Variants in FSTL4 observed in about 807,000 individuals in gnomAD.
FSTL4 encodes the protein follistatin-related protein 4.
A neutral mutation model predicts 78.2 loss-of-function variants in FSTL4; 28 were observed. The ratio of observed to expected loss-of-function variants is 0.36; its 90% CI spans 0.27 to 0.49. The LOEUF (loss-of-function observed/expected upper bound fraction) is 0.49. Ranked by LOEUF, FSTL4 falls within the 20% of genes least tolerant of loss-of-function variation. The probability of loss-of-function intolerance (pLI) is 0.98; values close to 1 mark genes in which losing one functional copy is unlikely to be tolerated. For missense variants in FSTL4, 922 were observed against 1,084.9 expected (o/e 0.85, Z 2.11); for synonymous variants, 422 against 440.5 (o/e 0.96, Z 0.53).
At chr5:133,341,525 G>T (rs1754582092) in intron 4 of FSTL4, among the ~76,000 whole-genome samples, 1 of 152,044 alleles carries the variant, frequency 6.6e-6, no homozygotes, top group South Asian at 2.1e-4. Flanking sequence ...AGAGGATGAG[G>T]GACAGGCCGG....
chr5:133,774,528 T>C, the FSTL4 span, among the ~76,000 whole-genome samples: 16 of 152,226 alleles, frequency 1.1e-4, no homozygotes, highest in Admixed American at 1.0e-3. Flanking sequence ...GTCATGTCAC[T>C]GATAAGCAAA....
the FSTL4 span, among the ~76,000 whole-genome samples, chr5:133,678,329 T>TA: frequency 6.6e-6 from 1 of 152,082 alleles, no homozygotes; most frequent in Non-Finnish European, 1.5e-5. Context: ...AAGCAAAAGG[T>TA]AATGACAGCT....
chr5:133,296,738 G>A (rs1044466717), intron 6 of FSTL4, among the ~76,000 whole-genome samples: 3 of 152,058 alleles, frequency 2.0e-5, no homozygotes, highest in African/African-American at 7.2e-5. Flanking sequence ...TACTACCCAC[G>A]TTGTAATCTA....
rs1554115247 is a variant in FSTL4 at position 133,448,740 on chromosome 5, G to GGT, written c.161-47755_161-47754insAC. 2.9e-3 allele frequency among the ~76,000 whole-genome samples: 71 copies of GGT among 24,660 alleles called. 7 individuals are homozygous for GGT. The highest frequency in any genetic ancestry group is 2.0e-4 in the Non-Finnish European group (2 of 10,174). The allele number at this position is 24,660 out of a possible 152,430, so 16.2% of individuals were successfully genotyped here. On this transcript the variant is annotated intron_variant, in intron 3 of 15. Transcript: ENST00000265342. ...TCAGAATCCCCAGGGGTGCGGGGGC[G>GGT]GGGGGGGGGGGCGCTCAGAATTTTC...
chr5:133,223,544 G>A (rs141897052), intron 11 of FSTL4, among the ~76,000 whole-genome samples: 5 of 152,200 alleles, frequency 3.3e-5, no homozygotes, highest in African/African-American at 7.2e-5. Context: ...ACTGGGACCC[G>A]GGCATGCACC....
chr5:133,594,636 C>T (rs1327960002), intron 2 of FSTL4, among the ~76,000 whole-genome samples: 1 of 152,214 alleles, frequency 6.6e-6, no homozygotes, highest in South Asian at 2.1e-4. Context: ...AGGCCTCTCC[C>T]GTTTGACACC....
the FSTL4 span, among the ~76,000 whole-genome samples, chr5:133,816,219 A>G: frequency 6.6e-6 from 1 of 152,194 alleles, no homozygotes; most frequent in African/African-American, 2.4e-5. Flanking sequence ...GTGAGGGCAC[A>G]TGGTAGAGTG....
chr5:133,637,337 A>G, the FSTL4 span, among the ~76,000 whole-genome samples: 2 of 152,092 alleles, frequency 1.3e-5, no homozygotes, highest in Admixed American at 1.3e-4. Flanking sequence ...TGCTATTAAT[A>G]CATCCAATGG....
At chr5:133,253,969 C>A (rs1752324950) in intron 6 of FSTL4, among the ~76,000 whole-genome samples, 1 of 152,178 alleles carries the variant, frequency 6.6e-6, no homozygotes, top group African/African-American at 2.4e-5. Flanking sequence ...TTGGCCCCTA[C>A]CTCCAAGATG....
chr5:133,335,317 C>T (rs1308592741), intron 4 of FSTL4, among the ~76,000 whole-genome samples: 2 of 152,164 alleles, frequency 1.3e-5, no homozygotes, highest in African/African-American at 2.4e-5. Context: ...GTCTGCCCTG[C>T]TCTCCCCTCC....
At chr5:133,402,013 G>A (rs1756239466) in intron 3 of FSTL4, among the ~76,000 whole-genome samples, 1 of 152,066 alleles carries the variant, frequency 6.6e-6, no homozygotes, top group Non-Finnish European at 1.5e-5. Context: ...ATGGGGGTGG[G>A]GGTAGCCGAG....
intron 3 of FSTL4, chr5:133,427,573 A>G (rs749002223): frequency 1.2e-5 from 6 of 507,620 alleles, no homozygotes; most frequent in Non-Finnish European, 2.1e-5. Flanking sequence ...AGTGCACGCA[A>G]TGGCGGGGGG....
At chr5:133,286,147 G>A (rs905105692) in intron 6 of FSTL4, among the ~76,000 whole-genome samples, 1 of 152,170 alleles carries the variant, frequency 6.6e-6, no homozygotes, top group Non-Finnish European at 1.5e-5. Flanking sequence ...TAGGAGCCTG[G>A]GTTCTAATCC....
At chr5:133,380,486 A>C (rs1755542173) in intron 4 of FSTL4, among the ~76,000 whole-genome samples, 1 of 152,090 alleles carries the variant, frequency 6.6e-6, no homozygotes, top group Non-Finnish European at 1.5e-5. Flanking sequence ...AAAGTAACTC[A>C]AGAAGAAATA....
At chr5:133,215,291 A>G (rs997463805) in intron 13 of FSTL4, among the ~76,000 whole-genome samples, 5 of 152,120 alleles carry the variant, frequency 3.3e-5, no homozygotes, top group Non-Finnish European at 7.4e-5. Context: ...CAGGACTCCA[A>G]TCTTGACCTC....
At chr5:133,734,237 T>A in the FSTL4 span, among the ~76,000 whole-genome samples, 247 of 152,300 alleles carry the variant, frequency 1.6e-3, no homozygotes, top group Non-Finnish European at 2.9e-3. Context: ...AGACTTTTGT[T>A]TGGATCACAA....
chr5:133,253,629 C>T (rs942160082), intron 6 of FSTL4, among the ~76,000 whole-genome samples: 5 of 152,196 alleles, frequency 3.3e-5, no homozygotes, highest in Non-Finnish European at 5.9e-5. Flanking sequence ...GCTTCCCTCC[C>T]GATACCCTTT....
chr5:133,719,229 G>A, the FSTL4 span, among the ~76,000 whole-genome samples: 2,936 of 152,232 alleles, frequency 0.019, 52 homozygotes, highest in Non-Finnish European at 0.03. Flanking sequence ...CACATTTGAA[G>A]TAAAAAGTTT....
intron 2 of FSTL4, among the ~76,000 whole-genome samples, chr5:133,572,798 T>C (rs1265646026): frequency 2.0e-5 from 3 of 152,080 alleles, no homozygotes; most frequent in African/African-American, 4.8e-5. Flanking sequence ...ATGGCAAAAT[T>C]AGTGCTATGA....
Sources: allele counts gnomAD v4.1 joint callset (sites outside exome capture counted in the v4.1 genomes callset), GRCh38; gene constraint gnomAD v4.1.1; transcripts MANE v1.5; gene names NCBI Gene and HGNC (gene_info 2026-07-23, HGNC 2026-07-21).